ZNF197: variants seen among roughly 807,000 people sequenced by gnomAD.
ZNF197 encodes VHL-associated KRAB-A domain-containing protein.
Under a neutral mutation model 27.4 loss-of-function variants are expected in ZNF197, and 14 were observed. That is an observed-to-expected ratio of 0.51 (90% CI 0.34 to 0.80). The LOEUF is 0.80. ZNF197 is among the 30% of genes least tolerant of loss of function. The pLI, the probability that ZNF197 is intolerant of heterozygous loss-of-function variation, is 0.02. For synonymous variants in ZNF197, 415 were observed against 420.0 expected (o/e 0.99, Z 0.15); for missense variants, 1,090 against 1,222.6 (o/e 0.89, Z 1.62).
intron 5 of ZNF197, among the ~76,000 whole-genome samples, chr3:44,636,279 T>G (rs938270016): frequency 3.2e-4 from 44 of 138,468 alleles, no homozygotes; most frequent in Non-Finnish European, 5.5e-4. Flanking sequence ...CACTCCAGCC[T>G]GGGCGACAGA....
intron 5 of ZNF197, among the ~76,000 whole-genome samples, chr3:44,637,025 G>C (rs775264358): frequency 4.2e-4 from 64 of 152,106 alleles, no homozygotes; most frequent in Admixed American, 7.2e-4. Context: ...TGTCTATTCA[G>C]ATTCTTTGTC....
At position 44,640,674 on chromosome 3, in the gene ZNF197, G is replaced by A. The variant is rs555745023; in HGVS notation, c.770-1226G>A. ...ATTACAGGCATGAGCCACCATGCCCGGCCTCTCCTTATGTTTGAAACCTCA... is the reference window on the plus strand; with the variant it reads ...ATTACAGGCATGAGCCACCATGCCCAGCCTCTCCTTATGTTTGAAACCTCA... On this transcript the variant is annotated intron_variant, in intron 5 of 5. Transcript: ENST00000344387. The surrounding 1 kb of genome is among the most constrained non-coding windows in gnomAD (Gnocchi z 4.0). 2.0e-5 allele frequency among the ~76,000 whole-genome samples: 3 copies of A among 152,200 alleles called. No individual in the cohort carries two copies. The highest frequency in any genetic ancestry group is 2.1e-4 in the South Asian group (1 of 4,812).
intron 1 of ZNF197, among the ~76,000 whole-genome samples, chr3:44,625,534 C>T (rs912376841): frequency 5.3e-5 from 8 of 152,086 alleles, no homozygotes; most frequent in African/African-American, 1.4e-4. Flanking sequence ...CGCCCAGACT[C>T]TTGAGGACGG....
At chr3:44,636,337 C>T (rs1452581510) in intron 5 of ZNF197, among the ~76,000 whole-genome samples, 3 of 151,964 alleles carry the variant, frequency 2.0e-5, no homozygotes, top group African/African-American at 7.2e-5. Context: ...TTCATCAACC[C>T]CAAAAGGAAC....
At chr3:44,625,784 A>ACT (rs1701622564) in intron 1 of ZNF197, among the ~76,000 whole-genome samples, 1 of 131,184 alleles carries the variant, frequency 7.6e-6, no homozygotes. Flanking sequence ...ACACACACAC[A>ACT]CACTCATTGC....
rs1160870632 is a variant in ZNF197, at chr3:44,642,678, G to C, written c.1548G>C (p.Gln516His). ...AACCTTATAAATGTAATAAGTGTCA[G>C]AAAGCTTTCATTCTGAAGAAGAGCC... ...GEEPYKCNKC[Q>H]KAFILKKSLI... is the part of the protein sequence containing the mutation. The change falls in exon 6 of 6, where the codon CAG (glutamine) becomes CAC (histidine). Residue 516 changes from glutamine (Q) to histidine (H), a missense_variant. Gln to His is a conservative substitution (Grantham distance 24, BLOSUM62 0). Coordinates refer to ENST00000344387, the MANE Select transcript of ZNF197 (RefSeq NM_006991.5). 3 of 1,613,886 alleles carry C rather than the reference G, an allele frequency of 1.9e-6. No homozygotes were observed. The African/African-American group carries it at 4.0e-5, about 22-fold the overall frequency.
chr3:44,644,092 T>C lies in ZNF197; in HGVS notation c.2962T>C (p.Cys988Arg), dbSNP rs1390844400. Residue 988 changes from cysteine to arginine, a missense_variant, in exon 6 of 6, where the codon TGT (cysteine) becomes CGT (arginine). Transcript: ENST00000344387. ...CCACACAGATGAAAAACCTTGTGAA[T>C]GTGATGTGTCTGAAAAAGAATTCTC... The part of the protein sequence containing the change: ...KIHTDEKPCE[C>R]DVSEKEFSQT... The C allele has an allele frequency of 2.5e-6, 4 of 1,614,184 alleles. No homozygotes were observed. Among genetic ancestry groups the C allele is most frequent in the Non-Finnish European group, 3.4e-6 (4 of 1,180,032 alleles).
chr3:44,646,228 T>C lies in ZNF197; in HGVS notation c.*2008T>C. The C allele has an allele frequency of 4.1e-6, 4 of 976,748 alleles. No individual in the cohort carries two copies. Among genetic ancestry groups the C allele is most frequent in the Non-Finnish European group, 4.9e-6 (4 of 821,976 alleles). The allele number at this position is 976,748 out of a possible 1,614,324, so 60.5% of individuals were successfully genotyped here. On this transcript the variant is annotated 3_prime_UTR_variant, in exon 6 of 6. Transcript: ENST00000344387. ...CTCATCTGTTAAACAGGAGGAAGAATATCTACCTCACAAAGTTCTTATGAG... is the reference window on the plus strand; with the variant it reads ...CTCATCTGTTAAACAGGAGGAAGAACATCTACCTCACAAAGTTCTTATGAG...
chr3:44,639,126 A>G (rs75298156), intron 5 of ZNF197, among the ~76,000 whole-genome samples: 20,229 of 152,214 alleles, frequency 0.13, 1,393 homozygotes, highest in Middle Eastern at 0.19. Flanking sequence ...TATTACATCA[A>G]TTGGTTTCCT....
chr3:44,630,856 A>T, intron 2 of ZNF197: 1 of 711,280 alleles, frequency 1.4e-6, no homozygotes, highest in South Asian at 1.5e-5. Flanking sequence ...CTCCTCTGGG[A>T]GAGGTCACCA....
In ZNF197 at chr3:44,632,093, C is replaced by G. The variant is rs1702046037; in HGVS notation, c.551-12C>G. ...TTGTAGGTCCCATATGCAGCTTTTT[C>G]TCCCTCCTCAGATTCTCCTGCCCCT... is the stretch of plus-strand genomic sequence containing the variant. On this transcript the variant is annotated splice_polypyrimidine_tract_variant and intron_variant, in intron 3 of 5. Transcript: ENST00000344387. 6.2e-7 allele frequency: 1 copy of G among 1,613,648 alleles called. No individual in the cohort carries two copies. Among genetic ancestry groups the G allele is most frequent in the Non-Finnish European group, 8.5e-7 (1 of 1,179,686 alleles).
At chr3:44,631,328 T>G in intron 3 of ZNF197, 107 bp downstream of exon 3, 1 of 1,372,284 alleles carries the variant, frequency 7.3e-7, no homozygotes, top group Non-Finnish European at 1.0e-6. Flanking sequence ...TAGGAGTCTC[T>G]TACAGTGCCA....
rs1188427291 is a variant in ZNF197, at chr3:44,646,617, G to A, written c.*2397G>A. ...TTCAAAATATTATTATGATGAAAAAGAGAGGGGAGTGAAAATTGTTCAAGC... is the reference window on the plus strand; with the variant it reads ...TTCAAAATATTATTATGATGAAAAAAAGAGGGGAGTGAAAATTGTTCAAGC... On this transcript the variant is annotated 3_prime_UTR_variant, in exon 6 of 6. Transcript: ENST00000344387. 6.4e-6 allele frequency: 5 copies of A among 780,984 alleles called. No individual in the cohort carries two copies. In the East Asian group the frequency reaches 1.0e-4, roughly 16 times the overall value. 48.4% of individuals were successfully genotyped at this position (780,984 alleles called of 1,614,324 possible). A position where few individuals can be genotyped will look rare whatever the true frequency, so the allele number is the denominator to read the frequency against.
Position 44,645,006 on chromosome 3 carries a change from A to T in ZNF197, c.*786A>T. The T allele has an allele frequency of 1.0e-6, 1 of 985,444 alleles. No homozygotes were observed. Among genetic ancestry groups the T allele is most frequent in the Non-Finnish European group, 1.2e-6 (1 of 829,934 alleles). The allele number at this position is 985,444 out of a possible 1,614,324, so 61.0% of individuals were successfully genotyped here. On this transcript the variant is annotated 3_prime_UTR_variant, in exon 6 of 6. Transcript: ENST00000344387. ...GTATGATCCAGAATGTCAGGTGTGG[A>T]GTTGGGCGGACAAGAGTCTGCTGAT... is the stretch of plus-strand genomic sequence containing the variant.
chr3:44,627,733 A>G (rs1701753159), intron 1 of ZNF197, among the ~76,000 whole-genome samples: 1 of 151,708 alleles, frequency 6.6e-6, no homozygotes, highest in African/African-American at 2.4e-5. Context: ...TGGAAAGCTG[A>G]GACAGGAAAA....
In ZNF197 at chr3:44,631,080, G is replaced by C. The variant is rs1701960996; in HGVS notation, c.409G>C (p.Asp137His). ...TTTCCAGGTTCCAGTCCTTGTCAAG[G>C]ATCAGGACACTCTCCAGAAGGTGGT... is the stretch of plus-strand genomic sequence containing the variant. ...PAIQVPVLVK[D>H]QDTLQKVVSA... is the part of the protein sequence containing the mutation. Residue 137 changes from aspartate (D) to histidine (H), a missense_variant, in exon 3 of 6, where the codon GAT becomes CAT. Coordinates refer to ENST00000344387, the MANE Select transcript of ZNF197 (RefSeq NM_006991.5). 2 of 1,614,074 alleles carry C rather than the reference G, an allele frequency of 1.2e-6. No individual in the cohort carries two copies. The highest frequency in any genetic ancestry group is 1.7e-6 in the Non-Finnish European group (2 of 1,180,012).
intron 3 of ZNF197, 142 bp downstream of exon 3, chr3:44,631,363 C>A: frequency 9.5e-7 from 1 of 1,048,964 alleles, no homozygotes; most frequent in Non-Finnish European, 1.4e-6. Context: ...TTCTGTTGTT[C>A]TCTCCTTCTT....
Position 44,644,595 on chromosome 3 carries a change from C to T in ZNF197, c.*375C>T, listed in dbSNP as rs9865162. Reference sequence around the variant, plus strand: ...CGGAGGTTGCAGTGAGCCAGGATCGCGCCATTGCACTCCAGCCTGGGCAAC... The same window carrying T: ...CGGAGGTTGCAGTGAGCCAGGATCGTGCCATTGCACTCCAGCCTGGGCAAC... On this transcript the variant is annotated 3_prime_UTR_variant, in exon 6 of 6. Transcript: ENST00000344387. 388,568 of 984,668 alleles carry T rather than the reference C, an allele frequency of 0.39. 79,335 individuals carry two copies. Among genetic ancestry groups the T allele is most frequent in the East Asian group, 0.83 (7,474 of 9,028 alleles). 61.0% of individuals were successfully genotyped at this position (984,668 alleles called of 1,614,324 possible).
intron 5 of ZNF197, among the ~76,000 whole-genome samples, 175 bp downstream of exon 5, chr3:44,632,774 TTC>T (rs1702084430): frequency 6.6e-6 from 1 of 152,104 alleles, no homozygotes; most frequent in African/African-American, 2.4e-5. Flanking sequence ...TATATTACCT[TTC>T]TGTTTTTTCT....
Sources: allele counts gnomAD v4.1 joint callset (sites outside exome capture counted in the v4.1 genomes callset), GRCh38; gene constraint gnomAD v4.1.1; non-coding constraint Gnocchi (gnomAD v3.1); transcripts MANE v1.5; gene names NCBI Gene and HGNC (gene_info 2026-07-23, HGNC 2026-07-21).